The following RHOH variants were observed in gnomAD, a reference collection of about 807,000 sequenced individuals.
The protein encoded by RHOH is ras homolog family member H.
Under a neutral mutation model 13.8 loss-of-function variants are expected in RHOH, and 6 were observed. The observed-to-expected ratio is 0.44, with a 90% CI of 0.24 to 0.86. The LOEUF (loss-of-function observed/expected upper bound fraction) is 0.86, where lower values mean the gene tolerates loss of function less well. Ranked by LOEUF, RHOH falls within the 40% of genes least tolerant of loss-of-function variation. The probability of loss-of-function intolerance (pLI) is 0.24; values close to 1 mark genes in which losing one functional copy is unlikely to be tolerated. For missense variants in RHOH, 147 were observed against 244.5 expected (o/e 0.60, Z 2.66); for synonymous variants, 117 against 103.0 (o/e 1.14, Z -0.82).
chr4:40,191,184 TACTAAC>T (rs1722696032), upstream of RHOH: 2 of 152,338 alleles, frequency 1.3e-5, no homozygotes, highest in South Asian at 4.1e-4. Flanking sequence ...ATACTGCTCT[TACTAAC>T]ACTACATTTT....
upstream of RHOH, among the ~76,000 whole-genome samples, chr4:40,195,610 T>C (rs1180609218): frequency 6.6e-6 from 1 of 152,008 alleles, no homozygotes; most frequent in African/African-American, 2.4e-5. Flanking sequence ...ACAGGTGTGG[T>C]TGCCCAGCTA....
Position 40,243,420 on chromosome 4 carries a change from G to C in RHOH, c.34G>C (p.Asp12His). Residue 12 changes from aspartate to histidine, a missense_variant, in exon 3 of 3, where the codon GAC (aspartate) becomes CAC (histidine). Coordinates refer to ENST00000381799, the MANE Select transcript of RHOH (RefSeq NM_004310.5). This position sits in a 1 kb window ranked among gnomAD's most constrained non-coding sequence, Gnocchi z 6.2. ...TTCCATCAAGTGCGTGTTGGTGGGC[G>C]ACTCTGCTGTGGGGAAAACCTCTCT... ...LSSIKCVLVG[D>H]SAVGKTSLLV... The C allele has an allele frequency of 6.2e-7, 1 of 1,605,746 alleles. No homozygotes were observed. The highest frequency in any genetic ancestry group is 8.5e-7 in the Non-Finnish European group (1 of 1,175,258).
upstream of RHOH, among the ~76,000 whole-genome samples, chr4:40,196,022 G>A (rs920180813): frequency 1.3e-5 from 2 of 152,184 alleles, no homozygotes; most frequent in African/African-American, 2.4e-5. Flanking sequence ...CATACTATTT[G>A]CCTCTACGTG....
rs1729593287 is a variant in RHOH, at chr4:40,244,065, C to T, written c.*103C>T. On this transcript the variant is annotated 3_prime_UTR_variant, in exon 3 of 3. Coordinates refer to ENST00000381799, the MANE Select transcript of RHOH (RefSeq NM_004310.5). Reference sequence around the variant, plus strand: ...AAGCTTGGTGTTTTCTCTGGGTACACCCCAAGCAGCGTCTCCTTTTGGATA... The same window carrying T: ...AAGCTTGGTGTTTTCTCTGGGTACATCCCAAGCAGCGTCTCCTTTTGGATA... 2.2e-6 allele frequency: 2 copies of T among 898,728 alleles called. No homozygotes were observed. Among genetic ancestry groups the T allele is most frequent in the Non-Finnish European group, 3.4e-6 (2 of 594,628 alleles). The allele number at this position is 898,728 out of a possible 1,614,324, so 55.7% of individuals were successfully genotyped here.
At chr4:40,201,171 G>GA (rs942885347) in intron 1 of RHOH, among the ~76,000 whole-genome samples, 1 of 152,026 alleles carries the variant, frequency 6.6e-6, no homozygotes, top group Non-Finnish European at 1.5e-5. Flanking sequence ...TGACCTCATG[G>GA]AAAAAAGCAC....
upstream of RHOH, among the ~76,000 whole-genome samples, chr4:40,191,542 A>G (rs1479665084): frequency 6.6e-6 from 1 of 152,242 alleles, no homozygotes; most frequent in Non-Finnish European, 1.5e-5. Flanking sequence ...TCATTTGACT[A>G]CATTTGCTCT....
chr4:40,192,087 A>G (rs1042209545), upstream of RHOH, among the ~76,000 whole-genome samples: 1 of 152,242 alleles, frequency 6.6e-6, no homozygotes, highest in East Asian at 1.9e-4. Context: ...ATCAGAATTA[A>G]GATCATTCTC....
upstream of RHOH, among the ~76,000 whole-genome samples, chr4:40,193,407 TGTATTTTCAGCG>T (rs778378190): frequency 8.6e-5 from 13 of 151,700 alleles, no homozygotes; most frequent in Non-Finnish European, 1.5e-4. Flanking sequence ...AATGTTTGCA[TGTATTTTCAGCG>T]TTTGCTTCCT....
chr4:40,197,358 T>C (rs2109340035), intron 1 of RHOH, 58 bp downstream of exon 1: 1 of 152,282 alleles, frequency 6.6e-6, no homozygotes, highest in Non-Finnish European at 1.5e-5. Context: ...TTTTTCTAAT[T>C]TTATTTAGCT....
At chr4:40,206,728 T>C (rs1341903075) in intron 1 of RHOH, among the ~76,000 whole-genome samples, 1 of 152,172 alleles carries the variant, frequency 6.6e-6, no homozygotes, top group Non-Finnish European at 1.5e-5. Flanking sequence ...CAATTTCCTA[T>C]ATGTGCCAAA....
upstream of RHOH, among the ~76,000 whole-genome samples, chr4:40,194,175 C>T (rs537988204): frequency 2.2e-4 from 33 of 152,150 alleles, 1 homozygote; most frequent in South Asian, 6.6e-3. Flanking sequence ...ATGAGAGAAA[C>T]TTTTTATCCT....
At chr4:40,214,288 G>C (rs1454776801) in intron 1 of RHOH, among the ~76,000 whole-genome samples, 1 of 152,228 alleles carries the variant, frequency 6.6e-6, no homozygotes. Flanking sequence ...GGTGGTTAGA[G>C]AAAGGTAGAT....
chr4:40,235,985 GAAAAAAAAAAAAAGA>G (rs1728524578), intron 1 of RHOH, among the ~76,000 whole-genome samples: 1 of 95,928 alleles, frequency 1.0e-5, no homozygotes. Flanking sequence ...CTGTCTTAAA[GAAAAAAAAAAAAAGA>G]AAAAAAAAAG....
At chr4:40,198,261 T>G (rs1290747952) in intron 1 of RHOH, among the ~76,000 whole-genome samples, 1 of 152,086 alleles carries the variant, frequency 6.6e-6, no homozygotes, top group Non-Finnish European at 1.5e-5. Context: ...AAGGGGCAGG[T>G]GATTTCAGAC....
intron 1 of RHOH, among the ~76,000 whole-genome samples, chr4:40,242,419 C>T (rs1729364244): frequency 1.3e-5 from 2 of 152,220 alleles, no homozygotes; most frequent in Admixed American, 6.5e-5. Flanking sequence ...AAATTTATCA[C>T]AATCTTGCAG....
chr4:40,228,371 A>C (rs931368694), intron 1 of RHOH, among the ~76,000 whole-genome samples: 1 of 152,186 alleles, frequency 6.6e-6, no homozygotes, highest in Non-Finnish European at 1.5e-5. Flanking sequence ...ATGTTCTATA[A>C]TGTGTATGTA....
chr4:40,231,318 A>AT (rs3071888), intron 1 of RHOH, among the ~76,000 whole-genome samples: 89,321 of 127,660 alleles, frequency 0.7, 32,204 homozygotes, highest in Non-Finnish European at 0.78. Context: ...TTCTTAGGTG[A>AT]TTTTTTTTTT....
chr4:40,215,985 T>C (rs949073237), intron 1 of RHOH, among the ~76,000 whole-genome samples: 1 of 152,074 alleles, frequency 6.6e-6, no homozygotes, highest in Non-Finnish European at 1.5e-5. Context: ...CTGGGTGGAC[T>C]CTGACCTTTG....
chr4:40,237,972 T>C (rs1728784084), intron 1 of RHOH, among the ~76,000 whole-genome samples: 1 of 152,208 alleles, frequency 6.6e-6, no homozygotes, highest in Non-Finnish European at 1.5e-5. Context: ...GAAGAGAGCA[T>C]TTCCAAATGT....
Sources: allele counts gnomAD v4.1 joint callset (sites outside exome capture counted in the v4.1 genomes callset), GRCh38; gene constraint gnomAD v4.1.1; non-coding constraint Gnocchi (gnomAD v3.1); transcripts MANE v1.5; gene names NCBI Gene and HGNC (gene_info 2026-07-23, HGNC 2026-07-21).